The following ITPK1 variants were observed in gnomAD, a reference collection of about 807,000 sequenced individuals.
The protein encoded by ITPK1 is inositol-tetrakisphosphate 1-kinase.
A neutral mutation model predicts 45.3 loss-of-function variants in ITPK1; 21 were observed. The ratio of observed to expected loss-of-function variants is 0.46; its 90% CI spans 0.33 to 0.67. The LOEUF (loss-of-function observed/expected upper bound fraction) is 0.67, where lower values mean the gene tolerates loss of function less well. ITPK1 is among the 30% of genes least tolerant of loss of function. The pLI is 0.02. For missense variants in ITPK1, 474 were observed against 573.5 expected (o/e 0.83, Z 1.77); for synonymous variants, 258 against 253.6 (o/e 1.02, Z -0.16).
At chr14:93,011,576 C>T (rs4900168) in intron 4 of ITPK1, among the ~76,000 whole-genome samples, 1 of 152,174 alleles carries the variant, frequency 6.6e-6, no homozygotes, top group African/African-American at 2.4e-5. Flanking sequence ...CTGAGAGGAG[C>T]CAGGAGGTGA....
intron 5 of ITPK1, among the ~76,000 whole-genome samples, chr14:92,971,236 G>C (rs3825684): frequency 0.21 from 31,300 of 152,112 alleles, 3,526 homozygotes; most frequent in East Asian, 0.32. Flanking sequence ...TGGGCTGTCT[G>C]GGTTTTAATC....
chr14:93,091,847 T>C (rs1891877707), intron 2 of ITPK1, among the ~76,000 whole-genome samples: 1 of 152,202 alleles, frequency 6.6e-6, no homozygotes, highest in Non-Finnish European at 1.5e-5. Flanking sequence ...CTTGTCACAC[T>C]GGGTCCTTGC....
chr14:93,082,150 G>A (rs911414242), intron 2 of ITPK1, among the ~76,000 whole-genome samples: 2 of 152,124 alleles, frequency 1.3e-5, no homozygotes, highest in Non-Finnish European at 1.5e-5. Flanking sequence ...GGGGTGGGGG[G>A]CAGCCCTTGC....
At chr14:93,019,795 C>T (rs949125986) in intron 3 of ITPK1, among the ~76,000 whole-genome samples, 23 of 152,204 alleles carry the variant, frequency 1.5e-4, no homozygotes, top group African/African-American at 5.5e-4. Flanking sequence ...GAGAAAAGGA[C>T]ACTGTGCAGG....
intron 2 of ITPK1, among the ~76,000 whole-genome samples, chr14:93,093,042 A>G (rs1891927752): frequency 6.6e-6 from 1 of 152,152 alleles, no homozygotes; most frequent in Admixed American, 6.5e-5. Flanking sequence ...TGACGCCCCC[A>G]GCTCTCCATA....
intron 5 of ITPK1, among the ~76,000 whole-genome samples, chr14:92,972,903 C>T (rs141642998): frequency 1.1e-4 from 17 of 152,338 alleles, no homozygotes; most frequent in African/African-American, 4.1e-4. Flanking sequence ...TCTCTGACCG[C>T]ACAACCCAAG....
intron 2 of ITPK1, among the ~76,000 whole-genome samples, chr14:93,091,743 G>A: frequency 6.6e-6 from 1 of 152,198 alleles, no homozygotes; most frequent in Non-Finnish European, 1.5e-5. Context: ...TTCAGGTGTG[G>A]CACCTGAAGC....
chr14:92,973,624 G>A (rs1885774729), intron 5 of ITPK1, among the ~76,000 whole-genome samples: 1 of 152,236 alleles, frequency 6.6e-6, no homozygotes. Context: ...GCATCCGGGT[G>A]AACCAAGTTC....
intron 3 of ITPK1, among the ~76,000 whole-genome samples, chr14:93,017,589 C>T (rs1262564023): frequency 6.6e-6 from 1 of 152,224 alleles, no homozygotes. Flanking sequence ...CTTCCTGACC[C>T]GCCACATGTC....
chr14:93,070,563 G>C (rs1890953732), intron 3 of ITPK1: 1 of 152,324 alleles, frequency 6.6e-6, no homozygotes, highest in Non-Finnish European at 1.5e-5. Context: ...AAGGACCTAG[G>C]AACTGGGTTG....
chr14:92,941,690 C>T lies in ITPK1; in HGVS notation c.1116G>A (p.Trp372Ter). 6 of 1,554,036 alleles carry T rather than the reference C, an allele frequency of 3.9e-6. No individual in the cohort carries two copies. The highest frequency in any genetic ancestry group is 5.2e-6 in the Non-Finnish European group (6 of 1,152,244). The change falls in exon 11 of 11, where the codon TGG becomes TGA. Residue 372 changes from tryptophan (W) to a stop codon, truncating the protein, a stop_gained. Coordinates refer to ENST00000267615, the MANE Select transcript of ITPK1 (RefSeq NM_014216.6). LOFTEE classifies it high-confidence loss of function. ...TGCCGCCCGCGTCGGCCTCAGCCTT[C>T]CAGGGCGCGTCCTGGCCCATCATGC... ...CGSMMGQDAP[W>*]KAEADAGGTA...
At chr14:93,051,441 C>T (rs1448254644) in intron 3 of ITPK1, among the ~76,000 whole-genome samples, 3 of 152,072 alleles carry the variant, frequency 2.0e-5, no homozygotes, top group Admixed American at 6.6e-5. Context: ...CATAGTGAAA[C>T]CCTGTCTCTC....
Position 92,940,214 on chromosome 14 carries a change from G to A in ITPK1, c.*1347C>T. 2 of 986,386 alleles carry A rather than the reference G, an allele frequency of 2.0e-6. No individual in the cohort carries two copies. The highest frequency in any genetic ancestry group is 2.4e-6 in the Non-Finnish European group (2 of 830,592). 61.1% of individuals were successfully genotyped at this position (986,386 alleles called of 1,614,324 possible). A position where few individuals can be genotyped will look rare whatever the true frequency, so the allele number is the denominator to read the frequency against. On this transcript the variant is annotated 3_prime_UTR_variant, in exon 11 of 11. Coordinates refer to ENST00000267615, the MANE Select transcript of ITPK1 (RefSeq NM_014216.6). ...GCGTCCTCCATCTCACTGGGCAGAG[G>A]ACAGCCCGGAAGCCTTTTTCACTTT... is the stretch of plus-strand genomic sequence containing the variant.
intron 2 of ITPK1, among the ~76,000 whole-genome samples, chr14:93,111,582 G>T (rs1358761305): frequency 6.6e-6 from 1 of 151,918 alleles, no homozygotes; most frequent in South Asian, 2.1e-4. Flanking sequence ...GTGGTGGTGC[G>T]CACCTGTAAT....
At chr14:92,954,284 T>C (rs1417502663) in intron 8 of ITPK1, among the ~76,000 whole-genome samples, 2 of 152,206 alleles carry the variant, frequency 1.3e-5, no homozygotes, top group East Asian at 3.8e-4. Flanking sequence ...CCTCTCTATG[T>C]GCGGTCTGAA....
intron 2 of ITPK1, among the ~76,000 whole-genome samples, chr14:93,108,318 A>G (rs1286553432): frequency 6.6e-6 from 1 of 152,266 alleles, no homozygotes; most frequent in Non-Finnish European, 1.5e-5. Context: ...GTAGCTTTCC[A>G]GCTGAATTCA....
At chr14:93,015,756 G>A (rs3783907) in intron 4 of ITPK1, among the ~76,000 whole-genome samples, 41,195 of 152,188 alleles carry the variant, frequency 0.27, 5,856 homozygotes, top group Admixed American at 0.36. Flanking sequence ...CGGGGTGAGA[G>A]CCCCAAGGAA....
intron 2 of ITPK1, among the ~76,000 whole-genome samples, chr14:93,113,861 C>T (rs1205360350): frequency 6.6e-6 from 1 of 152,262 alleles, no homozygotes; most frequent in Non-Finnish European, 1.5e-5. Context: ...GCCCCTCTGG[C>T]TGCAGGAAGA....
At chr14:92,942,267 G>A (rs532948913) in intron 10 of ITPK1, among the ~76,000 whole-genome samples, 11 of 152,168 alleles carry the variant, frequency 7.2e-5, no homozygotes, top group Admixed American at 1.3e-4. Flanking sequence ...GGATGTTGGC[G>A]TGGCTGGAGG....
Sources: gnomAD v4.1 joint callset for allele counts (sites outside exome capture counted in the v4.1 genomes callset) on GRCh38, gnomAD v4.1.1 for gene constraint, MANE v1.5 for transcripts, NCBI Gene and HGNC (gene_info 2026-07-23, HGNC 2026-07-21) for gene names.